TMEM200A: variants seen among roughly 807,000 people sequenced by gnomAD.
TMEM200A encodes two transmembrane C.
TMEM200A carries 12 observed loss-of-function variants against 24.3 expected under a neutral mutation model. The ratio of observed to expected loss-of-function variants is 0.49; its 90% confidence interval spans 0.32 to 0.80. The LOEUF is 0.80. Ranked by LOEUF, TMEM200A falls within the 30% of genes least tolerant of loss-of-function variation. The pLI, the probability that TMEM200A is intolerant of heterozygous loss-of-function variation, is 0.04. For synonymous variants in TMEM200A, 224 were observed against 224.4 expected (o/e 1.00, Z 0.02); for missense variants, 545 against 614.4 (o/e 0.89, Z 1.19).
At chr6:130,409,980 T>C (rs557664161) in intron 2 of TMEM200A, among the ~76,000 whole-genome samples, 28 of 152,286 alleles carry the variant, frequency 1.8e-4, no homozygotes, top group African/African-American at 6.5e-4. Context: ...TTTATTGCAG[T>C]TTGTATGACT....
chr6:130,384,452 C>T (rs1778667890), intron 1 of TMEM200A, among the ~76,000 whole-genome samples: 2 of 152,132 alleles, frequency 1.3e-5, no homozygotes, highest in South Asian at 4.1e-4. Context: ...GGTGAGACTG[C>T]AAGTGTATGC....
In TMEM200A at chr6:130,366,591, G is replaced by A. The variant is rs921423650; in HGVS notation, c.-81+67G>A. ...GTGGGCGGCCACCGCAGCCGAAACC[G>A]GGCACTTCTTCAGCCCTCTGCCCTC... is the stretch of plus-strand genomic sequence containing the variant. On this transcript the variant is annotated intron_variant, in intron 1 of 2. Transcript: ENST00000296978. The surrounding 1 kb of genome is among the most constrained non-coding windows in gnomAD (Gnocchi z 4.4). 3.0e-6 allele frequency: 3 copies of A among 985,580 alleles called. No homozygotes were observed. Among genetic ancestry groups the A allele is most frequent in the Non-Finnish European group, 2.4e-6 (2 of 830,108 alleles). 61.1% of individuals were successfully genotyped at this position (985,580 alleles called of 1,614,324 possible).
At chr6:130,371,764 A>G (rs566971129) in intron 1 of TMEM200A, among the ~76,000 whole-genome samples, 51 of 152,342 alleles carry the variant, frequency 3.3e-4, no homozygotes, top group Non-Finnish European at 6.3e-4. Flanking sequence ...AGATGGGCAG[A>G]TCAATAGAAC....
intron 2 of TMEM200A, among the ~76,000 whole-genome samples, chr6:130,424,444 C>CT (rs1779678750): frequency 6.6e-6 from 1 of 152,152 alleles, no homozygotes; most frequent in Non-Finnish European, 1.5e-5. Flanking sequence ...ATTTTTCATA[C>CT]TTTCCCCCAA....
rs900169188 is a variant in TMEM200A at position 130,366,175 on chromosome 6, C to T, written c.-430C>T. On this transcript the variant is annotated 5_prime_UTR_variant, in exon 1 of 3. Transcript: ENST00000296978. This position sits in a 1 kb window ranked among gnomAD's most constrained non-coding sequence, Gnocchi z 4.4. The stretch of plus-strand genomic sequence containing the variant: ...GGCAGGCGCGCCTGGACTCTGCGCC[C>T]GGATGGCGGCGGCCCTCTGTGAGCA... 2.0e-6 allele frequency: 2 copies of T among 985,256 alleles called. No homozygotes were observed. Among genetic ancestry groups the T allele is most frequent in the Non-Finnish European group, 2.4e-6 (2 of 829,804 alleles). The allele number at this position is 985,256 out of a possible 1,614,324, so 61.0% of individuals were successfully genotyped here.
At chr6:130,426,463 C>A (rs7743080) in intron 2 of TMEM200A, among the ~76,000 whole-genome samples, 21,701 of 143,586 alleles carry the variant, frequency 0.15, 1,761 homozygotes, top group Admixed American at 0.2. Flanking sequence ...TTCTGCAGCC[C>A]CCCCCCCCTC....
chr6:130,442,460 T>C lies in TMEM200A; in HGVS notation c.*562T>C, dbSNP rs1780221491. 6.0e-6 allele frequency: 1 copy of C among 166,168 alleles called. No individual in the cohort carries two copies. Among genetic ancestry groups the C allele is most frequent in the African/African-American group, 2.4e-5 (1 of 41,478 alleles). 10.3% of individuals were successfully genotyped at this position (166,168 alleles called of 1,614,324 possible). A position where few individuals can be genotyped will look rare whatever the true frequency, so the allele number is the denominator to read the frequency against. ...TTGTGAATCTTGAGTTTTAGATAAGTAGTTATTTTTTTCAATATCACTTCT... is the reference window on the plus strand; with the variant it reads ...TTGTGAATCTTGAGTTTTAGATAAGCAGTTATTTTTTTCAATATCACTTCT... On this transcript the variant is annotated 3_prime_UTR_variant, in exon 3 of 3. Transcript: ENST00000296978.
intron 2 of TMEM200A, among the ~76,000 whole-genome samples, chr6:130,409,556 A>G (rs2115155089): frequency 6.6e-6 from 1 of 152,276 alleles, no homozygotes; most frequent in East Asian, 1.9e-4. Flanking sequence ...TCTATCTGTG[A>G]CAGAATTGGC....
intron 2 of TMEM200A, among the ~76,000 whole-genome samples, chr6:130,401,743 T>G (rs1779092318): frequency 6.6e-6 from 1 of 152,014 alleles, no homozygotes; most frequent in African/African-American, 2.4e-5. Context: ...ACTTTGCCAT[T>G]AGTAGGTCTT....
At chr6:130,391,398 G>T (rs1778828163) in intron 2 of TMEM200A, among the ~76,000 whole-genome samples, 1 of 152,008 alleles carries the variant, frequency 6.6e-6, no homozygotes, top group African/African-American at 2.4e-5. Context: ...CCCCATCATT[G>T]ATATAATTAG....
chr6:130,386,044 T>C (rs148640550), intron 2 of TMEM200A, among the ~76,000 whole-genome samples: 59 of 152,360 alleles, frequency 3.9e-4, no homozygotes, highest in African/African-American at 1.4e-3. Flanking sequence ...CTTGTGTGTA[T>C]GTATCTAGGT....
intron 1 of TMEM200A, among the ~76,000 whole-genome samples, chr6:130,379,503 C>T (rs576616652): frequency 6.6e-6 from 1 of 152,118 alleles, no homozygotes; most frequent in Non-Finnish European, 1.5e-5. Flanking sequence ...TGTGCACATG[C>T]GTGATTGAGC....
intron 1 of TMEM200A, among the ~76,000 whole-genome samples, chr6:130,371,701 G>C (rs1295422982): frequency 6.6e-6 from 1 of 152,200 alleles, no homozygotes; most frequent in Admixed American, 6.5e-5. Flanking sequence ...TCTGGATTTA[G>C]GGTTTGGGGT....
chr6:130,382,039 A>G (rs1778609986), intron 1 of TMEM200A: 1 of 883,620 alleles, frequency 1.1e-6, no homozygotes, highest in Non-Finnish European at 1.4e-6. Flanking sequence ...TGGGCTACTT[A>G]TGATTCAGTT....
chr6:130,391,601 C>A (rs887132180), intron 2 of TMEM200A, among the ~76,000 whole-genome samples: 1 of 152,152 alleles, frequency 6.6e-6, no homozygotes, highest in African/African-American at 2.4e-5. Flanking sequence ...TAGCTTAGAA[C>A]CTACCTGTTA....
At chr6:130,374,766 G>A (rs1184102414) in intron 1 of TMEM200A, among the ~76,000 whole-genome samples, 1 of 152,052 alleles carries the variant, frequency 6.6e-6, no homozygotes, top group East Asian at 1.9e-4. Context: ...CTTCTATAAT[G>A]TTAGTCACTG....
At chr6:130,386,122 G>A (rs964878621) in intron 2 of TMEM200A, among the ~76,000 whole-genome samples, 1 of 152,134 alleles carries the variant, frequency 6.6e-6, no homozygotes, top group Non-Finnish European at 1.5e-5. Context: ...TATTGAGAGA[G>A]CTTTTTGGCT....
chr6:130,412,082 T>C (rs906273462), intron 2 of TMEM200A, among the ~76,000 whole-genome samples: 1 of 148,262 alleles, frequency 6.7e-6, no homozygotes, highest in Admixed American at 6.7e-5. Flanking sequence ...CCATCATTTG[T>C]TGAACGTTTC....
At chr6:130,432,396 G>A (rs543043315) in intron 2 of TMEM200A, among the ~76,000 whole-genome samples, 14 of 152,298 alleles carry the variant, frequency 9.2e-5, no homozygotes, top group African/African-American at 3.4e-4. Flanking sequence ...AAAGAAAGGC[G>A]TGCTTTATTC....
Sources: allele counts gnomAD v4.1 joint callset (sites outside exome capture counted in the v4.1 genomes callset), GRCh38; gene constraint gnomAD v4.1.1; non-coding constraint Gnocchi (gnomAD v3.1); transcripts MANE v1.5; gene names NCBI Gene and HGNC (gene_info 2026-07-23, HGNC 2026-07-21).